Variants in OTOG observed in about 807,000 individuals in gnomAD.
OTOG encodes otogelin.
Under a neutral mutation model 313.8 loss-of-function variants are expected in OTOG, and 296 were observed. That is an observed-to-expected ratio of 0.94 (90% confidence interval 0.86 to 1.04). The LOEUF (loss-of-function observed/expected upper bound fraction) is 1.04. OTOG is among the 50% of genes least tolerant of loss of function. The pLI is 0.00. For synonymous variants in OTOG, 1,533 were observed against 1,554.9 expected (o/e 0.99, Z 0.33); for missense variants, 3,948 against 3,840.1 (o/e 1.03, Z -0.74).
chr11:17,614,758 A>G (rs1853681678), intron 39 of OTOG, among the ~76,000 whole-genome samples: 2 of 152,210 alleles, frequency 1.3e-5, no homozygotes, highest in South Asian at 2.1e-4. Context: ...ATTCCATTGT[A>G]TGTATGTACC....
intron 7 of OTOG, 51 bp downstream of exon 7, chr11:17,555,948 T>A (rs1346569506): frequency 1.4e-5 from 19 of 1,401,370 alleles, no homozygotes; most frequent in Non-Finnish European, 1.9e-5. Flanking sequence ...ACACTGGTGG[T>A]GGTGGATGGG....
intron 53 of OTOG, 123 bp from the exon 54 acceptor site, chr11:17,643,338 C>G (rs1848011333): frequency 1.6e-6 from 1 of 621,784 alleles, no homozygotes; most frequent in Admixed American, 4.3e-5. Flanking sequence ...ATGCTCCTGC[C>G]CTGGGGCATC....
chr11:17,589,211 G>A (rs985523798), intron 24 of OTOG, among the ~76,000 whole-genome samples: 2 of 152,014 alleles, frequency 1.3e-5, no homozygotes, highest in Non-Finnish European at 2.9e-5. Flanking sequence ...GGCTCAGAAG[G>A]GTCGAAAAGG....
intron 39 of OTOG, among the ~76,000 whole-genome samples, chr11:17,616,470 A>G (rs769986072): frequency 3.3e-5 from 5 of 152,214 alleles, no homozygotes; most frequent in Non-Finnish European, 7.3e-5. Context: ...TATTTGGGAG[A>G]AGAATAAATC....
In OTOG at chr11:17,635,638, C is replaced by A. The variant is rs1260956852; in HGVS notation, c.7722C>A (p.Pro2574=). Residue 2574 remains proline, a synonymous_variant, in exon 47 of 56, where the codon CCC becomes CCA. Coordinates refer to ENST00000399397, the MANE Select transcript of OTOG (RefSeq NM_001292063.2). ...CACGDCPDSI[P]ECQEGEALTV... ...GTGGTGACTGTCCAGACTCCATCCC[C>A]GAATGTCAAGAAGGGGAGGCGCTCA... 6.4e-7 allele frequency: 1 copy of A among 1,550,410 alleles called. No individual in the cohort carries two copies. The highest frequency in any genetic ancestry group is 1.7e-4 in the Middle Eastern group (1 of 6,014).
At chr11:17,634,990 G>A in intron 45 of OTOG, 42 bp downstream of exon 45, 1 of 1,533,516 alleles carries the variant, frequency 6.5e-7, no homozygotes, top group Non-Finnish European at 8.8e-7. Context: ...CGGACTGAGG[G>A]CAGTGGGGGG....
intron 39 of OTOG, among the ~76,000 whole-genome samples, chr11:17,617,015 A>C (rs1853737370): frequency 6.6e-6 from 1 of 152,230 alleles, no homozygotes; most frequent in Admixed American, 6.5e-5. Flanking sequence ...TATCAGGTTA[A>C]GAACATTTTC....
chr11:17,574,890 C>T lies in OTOG; in HGVS notation c.2464C>T (p.Gln822Ter), dbSNP rs554847663. ...CCCACCGGACACCTATCTGGACACCCAGGCTGACCTCTGTGTCCCCCGGTG... is the reference window on the plus strand; with the variant it reads ...CCCACCGGACACCTATCTGGACACCTAGGCTGACCTCTGTGTCCCCCGGTG... ...ACPPDTYLDT[Q>*]ADLCVPRNQC... The change falls in exon 20 of 56, where the codon CAG becomes TAG. Residue 822 changes from glutamine to a stop codon, truncating the protein, a stop_gained. Transcript: ENST00000399397. LOFTEE classifies it high-confidence loss of function. 618 of 1,526,664 alleles carry T rather than the reference C, an allele frequency of 4.0e-4. No individual in the cohort carries two copies. Among genetic ancestry groups the T allele is most frequent in the Non-Finnish European group, 4.7e-4 (536 of 1,133,560 alleles). 94.6% of individuals were successfully genotyped at this position (1,526,664 alleles called of 1,614,324 possible). A position where few individuals can be genotyped will look rare whatever the true frequency, so the allele number is the denominator to read the frequency against.
chr11:17,571,202 A>C (rs1416782189), intron 17 of OTOG, among the ~76,000 whole-genome samples: 2 of 152,220 alleles, frequency 1.3e-5, no homozygotes, highest in African/African-American at 4.8e-5. Context: ...GTGGCATTCT[A>C]CTATGCTTTG....
intron 32 of OTOG, 55 bp from the exon 33 acceptor site, chr11:17,605,802 C>T: frequency 2.7e-6 from 4 of 1,479,416 alleles, no homozygotes; most frequent in Non-Finnish European, 3.6e-6. Flanking sequence ...GATGCTGTTC[C>T]CGCAGCCACC....
chr11:17,555,245 C>T (rs916085863), intron 6 of OTOG, among the ~76,000 whole-genome samples: 2 of 150,178 alleles, frequency 1.3e-5, no homozygotes, highest in Non-Finnish European at 2.9e-5. Context: ...GACAGCAGCA[C>T]AGGAGTGAGA....
chr11:17,635,158 G>GGGACTCCTGCT lies in OTOG; in HGVS notation c.7666_7676dup (p.Cys2559TrpfsTer117). On this transcript the variant is annotated frameshift_variant, in exon 46 of 56. Coordinates refer to ENST00000399397, the MANE Select transcript of OTOG (RefSeq NM_001292063.2). LOFTEE classifies it high-confidence loss of function. The stretch of plus-strand genomic sequence containing the variant: ...CAGATCCTGATCACGGGCCGCCTGG[G>GGGACTCCTGCT]GGACTCCTGCTGCACCTCCTACTTC... 1 of 1,547,404 alleles carries GGGACTCCTGCT rather than the reference G, an allele frequency of 6.5e-7. No homozygotes were observed.
At position 17,573,234 on chromosome 11, in the gene OTOG, A is replaced by T. The variant is rs1239122771; in HGVS notation, c.2237A>T (p.His746Leu). 8 of 1,534,612 alleles carry T rather than the reference A, an allele frequency of 5.2e-6. No homozygotes were observed. Among genetic ancestry groups the T allele is most frequent in the Non-Finnish European group, 7.0e-6 (8 of 1,145,346 alleles). ...TGCGCCACACTGGCCCACTACGCCC[A>T]CCTGTGCCGGCGCCATGGGCTCCCC... is the stretch of plus-strand genomic sequence containing the variant. ...CLCATLAHYA[H>L]LCRRHGLPVD... The change falls in exon 19 of 56, where the codon CAC becomes CTC. Residue 746 changes from histidine to leucine, a missense_variant. Physicochemically the swap from His to Leu is moderately conservative, Grantham distance 99 (BLOSUM62 -3). Coordinates refer to ENST00000399397, the MANE Select transcript of OTOG (RefSeq NM_001292063.2).
chr11:17,642,014 C>T, intron 52 of OTOG, 63 bp downstream of exon 52: 1 of 1,529,484 alleles, frequency 6.5e-7, no homozygotes, highest in Non-Finnish European at 8.8e-7. Context: ...AGGACTAGGG[C>T]CCTCTCTGGC....
chr11:17,645,681 T>C, intron 55 of OTOG, 38 bp downstream of exon 55: 1 of 1,550,514 alleles, frequency 6.4e-7, no homozygotes. Context: ...CAGCAAAAAA[T>C]GGGATGGAGG....
chr11:17,601,061 G>A (rs1444692076), intron 31 of OTOG, among the ~76,000 whole-genome samples: 3 of 152,194 alleles, frequency 2.0e-5, no homozygotes, highest in South Asian at 2.1e-4. Context: ...GAGTGTTTAC[G>A]CCATGGAAAT....
At position 17,612,219 on chromosome 11, in the gene OTOG, G is replaced by A. The variant is rs748497956; in HGVS notation, c.6181G>A (p.Val2061Met). ...CTGCCTGGAGGGCCAGCTGATTCGC[G>A]TGAATCAGTCCCAGCACTGTCCCCA... ...HICLEGQLIR[V>M]NQSQHCPQGA... Residue 2061 changes from valine (V) to methionine (M), a missense_variant, in exon 37 of 56, where the codon GTG becomes ATG. Val to Met is a conservative substitution (Grantham distance 21). Coordinates refer to ENST00000399397, the MANE Select transcript of OTOG (RefSeq NM_001292063.2). 413 of 1,549,328 alleles carry A rather than the reference G, an allele frequency of 2.7e-4. No individual in the cohort carries two copies. Among genetic ancestry groups the A allele is most frequent in the South Asian group, 5.4e-4 (45 of 84,058 alleles).
chr11:17,559,253 A>G, intron 11 of OTOG, 92 bp downstream of exon 11: 1 of 1,074,726 alleles, frequency 9.3e-7, no homozygotes, highest in South Asian at 1.6e-5. Context: ...GCTCAGAATC[A>G]CAGTTATCAG....
At position 17,613,816 on chromosome 11, in the gene OTOG, G is replaced by A. The variant is rs183012973; in HGVS notation, c.6528+115G>A. The A allele has an allele frequency of 5.4e-4, 433 of 802,798 alleles. No individual in the cohort carries two copies. The African/African-American group carries it at 6.5e-3, about 12-fold the overall frequency. 49.7% of individuals were successfully genotyped at this position (802,798 alleles called of 1,614,324 possible). On this transcript the variant is annotated intron_variant, in intron 39 of 55. Transcript: ENST00000399397. The stretch of plus-strand genomic sequence containing the variant: ...TCATGATTCAGGGCAGGGGTGGGGA[G>A]GGGACCTTTTTTTAGAAAATAATGC...
Sources: gnomAD v4.1 joint callset for allele counts (sites outside exome capture counted in the v4.1 genomes callset) on GRCh38, gnomAD v4.1.1 for gene constraint, MANE v1.5 for transcripts, NCBI Gene and HGNC (gene_info 2026-07-23, HGNC 2026-07-21) for gene names.